Variants in PPFIA2 observed in about 807,000 individuals in gnomAD.
PPFIA2 encodes the protein PPFI scaffold protein A2.
PPFIA2 carries 46 observed loss-of-function variants against 175.5 expected under a neutral mutation model. That is an observed-to-expected ratio of 0.26 (90% CI 0.21 to 0.34). The LOEUF is 0.34. PPFIA2 is among the 10% of genes least tolerant of loss of function. PPFIA2 has a pLI of 1.00. For synonymous variants in PPFIA2, 568 were observed against 511.4 expected (o/e 1.11, Z -1.49); for missense variants, 1,179 against 1,506.1 (o/e 0.78, Z 3.60).
chr12:81,415,005 C>T (rs1047376407), intron 7 of PPFIA2, among the ~76,000 whole-genome samples: 3 of 149,448 alleles, frequency 2.0e-5, no homozygotes, highest in African/African-American at 7.3e-5. Context: ...AGAGCAACTT[C>T]ATGTAGTCTG....
At chr12:81,347,421 A>G in intron 18 of PPFIA2, 112 bp downstream of exon 18, 1 of 928,640 alleles carries the variant, frequency 1.1e-6, no homozygotes. Flanking sequence ...AAATAAATAA[A>G]CAATAAAATA....
rs1762670388 is a variant in PPFIA2 at position 81,503,815 on chromosome 12, G to A, written c.304-45949C>T. Among the ~76,000 whole-genome samples the A allele has an allele frequency of 1.3e-5, 2 of 151,982 alleles. 1 individual carries two copies. Among genetic ancestry groups the A allele is most frequent in the South Asian group, 4.1e-4 (2 of 4,828 alleles). On this transcript the variant is annotated intron_variant, in intron 4 of 32. Coordinates refer to ENST00000549396, the MANE Select transcript of PPFIA2 (RefSeq NM_003625.5). The stretch of plus-strand genomic sequence containing the variant: ...AAACAAGGCAAAGCTATTTTAAGCA[G>A]AATCTACAATGTATGAAAAACTGGG...
intron 4 of PPFIA2, among the ~76,000 whole-genome samples, chr12:81,609,666 T>G (rs2060689785): frequency 6.6e-6 from 1 of 152,154 alleles, no homozygotes; most frequent in Non-Finnish European, 1.5e-5. Flanking sequence ...CTGTGGGTGT[T>G]GTTACATGTG....
In PPFIA2 at chr12:81,353,013, A is replaced by G. The variant is rs183412760; in HGVS notation, c.1994+106T>C. The G allele has an allele frequency of 4.5e-5, 43 of 958,220 alleles. No homozygotes were observed. The East Asian group carries it at 1.0e-3, about 23-fold the overall frequency. The allele number at this position is 958,220 out of a possible 1,614,324, so 59.4% of individuals were successfully genotyped here. On this transcript the variant is annotated intron_variant, in intron 17 of 32. Coordinates refer to ENST00000549396, the MANE Select transcript of PPFIA2 (RefSeq NM_003625.5). ...GTGAGGTCTGAGATTCTGCAGATCTATTAAGCTCCCAGTTAATGCTAATGC... is the reference window on the plus strand; with the variant it reads ...GTGAGGTCTGAGATTCTGCAGATCTGTTAAGCTCCCAGTTAATGCTAATGC...
intron 30 of PPFIA2, among the ~76,000 whole-genome samples, chr12:81,263,724 T>C (rs1001966921): frequency 6.6e-6 from 1 of 152,150 alleles, no homozygotes; most frequent in African/African-American, 2.4e-5. Context: ...TGCCGACGGG[T>C]TTTATGGAAA....
intron 4 of PPFIA2, among the ~76,000 whole-genome samples, chr12:81,636,055 T>A (rs1249758448): frequency 5.3e-5 from 8 of 152,284 alleles, no homozygotes; most frequent in Non-Finnish European, 1.2e-4. Context: ...TTTTTTAATC[T>A]TTTTTTCTGT....
chr12:81,273,400 A>G (rs977717616), intron 28 of PPFIA2, among the ~76,000 whole-genome samples: 4 of 152,118 alleles, frequency 2.6e-5, no homozygotes, highest in East Asian at 1.9e-4. Flanking sequence ...ATTTCCTTAC[A>G]TTTTTCTTTT....
chr12:81,375,663 T>C, intron 10 of PPFIA2, 133 bp downstream of exon 10: 1 of 899,934 alleles, frequency 1.1e-6, no homozygotes, highest in Admixed American at 2.5e-5. Flanking sequence ...GTATTTGTTT[T>C]GCTAGAGAAT....
intron 4 of PPFIA2, among the ~76,000 whole-genome samples, chr12:81,463,995 T>C (rs1417804065): frequency 2.0e-5 from 3 of 152,114 alleles, no homozygotes; most frequent in African/African-American, 7.2e-5. Flanking sequence ...AATCTAAAGC[T>C]CTTCTATTTC....
intron 24 of PPFIA2, among the ~76,000 whole-genome samples, chr12:81,285,140 G>A (rs756830788): frequency 2.4e-4 from 37 of 151,866 alleles, no homozygotes; most frequent in African/African-American, 2.9e-4. Flanking sequence ...ACTTAATAAC[G>A]TACAGTTTCG....
chr12:81,435,965 C>T (rs899113521), intron 7 of PPFIA2, among the ~76,000 whole-genome samples: 16 of 152,040 alleles, frequency 1.1e-4, no homozygotes, highest in African/African-American at 3.9e-4. Flanking sequence ...CTTGTAAATA[C>T]ATTTTAAATT....
chr12:81,750,581 G>A (rs2083621522), intron 3 of PPFIA2, among the ~76,000 whole-genome samples: 1 of 152,078 alleles, frequency 6.6e-6, no homozygotes, highest in Non-Finnish European at 1.5e-5. Flanking sequence ...TTAGATAATT[G>A]AGGGCATAGC....
intron 8 of PPFIA2, among the ~76,000 whole-genome samples, chr12:81,401,154 C>T (rs1227985093): frequency 1.3e-5 from 2 of 152,060 alleles, no homozygotes; most frequent in Non-Finnish European, 1.5e-5. Flanking sequence ...CCTGTACCCT[C>T]AACTGTCTTA....
chr12:81,633,300 G>A (rs995466856), intron 4 of PPFIA2, among the ~76,000 whole-genome samples: 4 of 152,062 alleles, frequency 2.6e-5, no homozygotes, highest in African/African-American at 9.7e-5. Flanking sequence ...GAGAGGCTTA[G>A]GGATGACTAG....
At chr12:81,528,419 G>A (rs994263791) in intron 4 of PPFIA2, among the ~76,000 whole-genome samples, 1 of 152,036 alleles carries the variant, frequency 6.6e-6, no homozygotes, top group East Asian at 1.9e-4. Context: ...ATATAGTCTA[G>A]AGACTGAATT....
chr12:81,758,337 C>T (rs978565531), intron 2 of PPFIA2, 63 bp downstream of exon 2: 1 of 453,574 alleles, frequency 2.2e-6, no homozygotes. Context: ...CGGGGTGGGG[C>T]CGGGGAGGTG....
chr12:81,685,917 TC>T (rs1259394811), intron 3 of PPFIA2, among the ~76,000 whole-genome samples: 3 of 152,038 alleles, frequency 2.0e-5, no homozygotes, highest in Non-Finnish European at 4.4e-5. Flanking sequence ...TTAGGTAACA[TC>T]GTAACTCTCT....
chr12:81,300,618 T>G (rs1478660931), intron 22 of PPFIA2, among the ~76,000 whole-genome samples: 2 of 152,086 alleles, frequency 1.3e-5, no homozygotes, highest in Admixed American at 1.3e-4. Flanking sequence ...GGGATAGAAG[T>G]GTTAAGTTCT....
At chr12:81,691,929 C>A (rs2153588425) in intron 3 of PPFIA2, among the ~76,000 whole-genome samples, 1 of 152,106 alleles carries the variant, frequency 6.6e-6, no homozygotes, top group South Asian at 2.1e-4. Context: ...GTGATTTCTA[C>A]CTCCTGGTAT....
Sources: gnomAD v4.1 joint callset for allele counts (sites outside exome capture counted in the v4.1 genomes callset) on GRCh38, gnomAD v4.1.1 for gene constraint, MANE v1.5 for transcripts, NCBI Gene and HGNC (gene_info 2026-07-23, HGNC 2026-07-21) for gene names.